SIK3: variants seen among roughly 807,000 people sequenced by gnomAD.
SIK3 encodes serine/threonine-protein kinase SIK3.
SIK3 carries 28 observed loss-of-function variants against 144.2 expected under a neutral mutation model. The ratio of observed to expected loss-of-function variants is 0.19; its 90% CI spans 0.14 to 0.27. The LOEUF is 0.27. SIK3 is among the 10% of genes least tolerant of loss of function. SIK3 has a pLI of 1.00. For missense variants in SIK3, 1,319 were observed against 1,776.0 expected, an observed-to-expected ratio of 0.74 and a Z score of 4.62; for synonymous variants, 686 against 676.3, an observed-to-expected ratio of 1.01 and a Z score of -0.22.
chr11:116,944,635 G>A (rs1186908217), intron 3 of SIK3, among the ~76,000 whole-genome samples: 1 of 152,144 alleles, frequency 6.6e-6, no homozygotes, highest in Non-Finnish European at 1.5e-5. Flanking sequence ...TCTGCATTTC[G>A]TACTTCTCCT....
intron 4 of SIK3, among the ~76,000 whole-genome samples, chr11:116,919,717 T>C (rs974573765): frequency 6.6e-6 from 1 of 152,220 alleles, no homozygotes; most frequent in African/African-American, 2.4e-5. Flanking sequence ...CGAATAGCAA[T>C]ACATTAACCA....
intron 4 of SIK3, among the ~76,000 whole-genome samples, chr11:116,911,645 G>A (rs1335283445): frequency 1.3e-5 from 2 of 152,202 alleles, no homozygotes; most frequent in African/African-American, 4.8e-5. Flanking sequence ...GGTTTCAGAG[G>A]TGGGATTGCA....
chr11:116,961,555 A>C (rs888973243), intron 1 of SIK3, among the ~76,000 whole-genome samples: 2 of 152,246 alleles, frequency 1.3e-5, no homozygotes, highest in African/African-American at 4.8e-5. Context: ...CAGTAGGTAA[A>C]GAAAAGATAA....
At chr11:116,935,968 G>C (rs1404629910) in intron 3 of SIK3, among the ~76,000 whole-genome samples, 2 of 152,064 alleles carry the variant, frequency 1.3e-5, no homozygotes, top group African/African-American at 2.4e-5. Flanking sequence ...ACTTCATCTA[G>C]GTATCATAAA....
At chr11:117,053,663 C>T (rs1280625283) in intron 1 of SIK3, among the ~76,000 whole-genome samples, 1 of 151,148 alleles carries the variant, frequency 6.6e-6, no homozygotes, top group African/African-American at 2.4e-5. Flanking sequence ...CCCACCCTAC[C>T]CCCTCCACTG....
rs1052879929 is a variant in SIK3, at chr11:117,098,359, T to C, written c.57A>G (p.Gly19=). The change falls in exon 1 of 25, where the codon GGA becomes GGG. Residue 19 remains glycine (G), a synonymous_variant. Transcript: ENST00000445177. ...AGGAAGAGTG[G]AGPAGRLLPP... ...GCAGCAGGCGGCCCGCGGGCCCGGC[T>C]CCCCCAGTCCCGGCCCCGGCAGCCC... 8.7e-7 allele frequency: 1 copy of C among 1,151,446 alleles called. No individual in the cohort carries two copies. The highest frequency in any genetic ancestry group is 1.1e-6 in the Non-Finnish European group (1 of 941,252). The allele number at this position is 1,151,446 out of a possible 1,614,324, so 71.3% of individuals were successfully genotyped here. A position where few individuals can be genotyped will look rare whatever the true frequency, so the allele number is the denominator to read the frequency against.
intron 1 of SIK3, among the ~76,000 whole-genome samples, chr11:116,976,693 T>C (rs1168419627): frequency 6.6e-6 from 1 of 152,222 alleles, no homozygotes; most frequent in Non-Finnish European, 1.5e-5. Context: ...TGAGCCCCCC[T>C]ACAGGGCCTA....
chr11:117,031,476 C>T (rs1407697667), intron 1 of SIK3, among the ~76,000 whole-genome samples: 1 of 149,542 alleles, frequency 6.7e-6, no homozygotes, highest in Admixed American at 6.7e-5. Flanking sequence ...ATCAGTTGGG[C>T]AATGGCCAAT....
chr11:116,896,389 C>T lies in SIK3; in HGVS notation c.742-13G>A. On this transcript the variant is annotated splice_polypyrimidine_tract_variant and intron_variant, in intron 5 of 24. Coordinates refer to ENST00000445177, the MANE Select transcript of SIK3 (RefSeq NM_001366686.3). ...CAACTCCAAGGCTCTGCATCCCAAA[C>T]AGAGAGGATGTACAATTAATCACAT... 1.9e-6 allele frequency: 3 copies of T among 1,612,430 alleles called. No homozygotes were observed. The highest frequency in any genetic ancestry group is 2.5e-6 in the Non-Finnish European group (3 of 1,178,770).
At chr11:116,979,747 T>C (rs552328861) in intron 1 of SIK3, among the ~76,000 whole-genome samples, 2 of 152,216 alleles carry the variant, frequency 1.3e-5, no homozygotes, top group South Asian at 4.1e-4. Context: ...CTTGGGAGGC[T>C]GAAGCAGGAG....
intron 6 of SIK3, among the ~76,000 whole-genome samples, chr11:116,878,427 G>A (rs1944377657): frequency 6.8e-6 from 1 of 147,192 alleles, no homozygotes. Flanking sequence ...CACCCAGGCT[G>A]TGGAGTGCAG....
intron 11 of SIK3, 28 bp from the exon 12 acceptor site, chr11:116,874,084 T>C (rs761383762): frequency 1.2e-6 from 2 of 1,611,824 alleles, no homozygotes; most frequent in Middle Eastern, 1.7e-4. Context: ...GACAGAGAAG[T>C]TTAGTTAACA....
chr11:116,915,122 A>ATG (rs1423283335), intron 4 of SIK3, among the ~76,000 whole-genome samples: 18 of 100,066 alleles, frequency 1.8e-4, no homozygotes, highest in South Asian at 4.3e-4. Flanking sequence ...AGGAAGCCAT[A>ATG]TATGTGTGTG....
chr11:117,000,977 T>C (rs1950828559), intron 1 of SIK3, among the ~76,000 whole-genome samples: 1 of 152,226 alleles, frequency 6.6e-6, no homozygotes, highest in Non-Finnish European at 1.5e-5. Flanking sequence ...ACAGTGTTCC[T>C]TCATCTTCTC....
At chr11:116,882,515 G>A (rs1417844174) in intron 6 of SIK3, among the ~76,000 whole-genome samples, 1 of 152,166 alleles carries the variant, frequency 6.6e-6, no homozygotes, top group Non-Finnish European at 1.5e-5. Context: ...AACAGAACAT[G>A]GCAAAACAAT....
chr11:116,957,960 TGAAC>T (rs1949204714), intron 1 of SIK3, among the ~76,000 whole-genome samples: 1 of 152,206 alleles, frequency 6.6e-6, no homozygotes, highest in East Asian at 1.9e-4. Context: ...TAATGAAGAA[TGAAC>T]GATGAAGGAC....
At position 116,846,754 on chromosome 11, in the gene SIK3, A is replaced by G. The variant is rs1201983627; in HGVS notation, c.3953-201T>C. On this transcript the variant is annotated intron_variant, in intron 23 of 24. Coordinates refer to ENST00000445177, the MANE Select transcript of SIK3 (RefSeq NM_001366686.3). The surrounding 1 kb of genome is among the most constrained non-coding windows in gnomAD (Gnocchi z 4.1). ...CAAGATTCTTCCTATATTCTCCTCT[A>G]CCTGTTCTGCTTTTTTCCCTTTTCC... Among the ~76,000 whole-genome samples, 2 of 152,064 alleles carry G rather than the reference A, an allele frequency of 1.3e-5. No homozygotes were observed. Among genetic ancestry groups the G allele is most frequent in the Non-Finnish European group, 2.9e-5 (2 of 68,012 alleles).
At chr11:116,862,478 A>G in intron 16 of SIK3, 151 bp from the exon 17 acceptor site, 1 of 916,656 alleles carries the variant, frequency 1.1e-6, no homozygotes, top group South Asian at 1.6e-5. Flanking sequence ...CATTTACCTA[A>G]GTATCTGGTG....
chr11:117,069,182 TTTGG>T (rs143220477), intron 1 of SIK3, among the ~76,000 whole-genome samples: 5,119 of 89,890 alleles, frequency 0.057, 350 homozygotes, highest in African/African-American at 0.17. Flanking sequence ...AAGATTTTTT[TTTGG>T]GGGGGGGGGG....
Sources: allele counts gnomAD v4.1 joint callset (sites outside exome capture counted in the v4.1 genomes callset), GRCh38; gene constraint gnomAD v4.1.1; non-coding constraint Gnocchi (gnomAD v3.1); transcripts MANE v1.5; gene names NCBI Gene and HGNC (gene_info 2026-07-23, HGNC 2026-07-21).